PRSS23: variants seen among roughly 807,000 people sequenced by gnomAD.
PRSS23 encodes the protein protease, serine 23.
A neutral mutation model predicts 34.7 loss-of-function variants in PRSS23; 25 were observed. The observed-to-expected ratio is 0.72, with a 90% CI of 0.53 to 1.01. The LOEUF (loss-of-function observed/expected upper bound fraction) is 1.01, where lower values mean the gene tolerates loss of function less well. Ranked by LOEUF, PRSS23 falls within the 50% of genes least tolerant of loss-of-function variation. PRSS23 has a pLI of 0.00. For synonymous variants in PRSS23, 176 were observed against 186.6 expected (o/e 0.94, Z 0.46); for missense variants, 445 against 475.6 (o/e 0.94, Z 0.60).
Position 86,800,626 on chromosome 11 carries a change from C to T in PRSS23, c.-39C>T, listed in dbSNP as rs184568382. 5 of 985,008 alleles carry T rather than the reference C, an allele frequency of 5.1e-6. No individual in the cohort carries two copies. The highest frequency in any genetic ancestry group is 6.0e-6 in the Non-Finnish European group (5 of 829,852). 61.0% of individuals were successfully genotyped at this position (985,008 alleles called of 1,614,324 possible). A position where few individuals can be genotyped will look rare whatever the true frequency, so the allele number is the denominator to read the frequency against. ...CCTGTCTGAGCGGCGCAGCGAGCCG[C>T]GGCCCGGGCGGGCTGCTCGGCGCGG... On this transcript the variant is annotated 5_prime_UTR_variant, in exon 1 of 2. Coordinates refer to ENST00000280258, the MANE Select transcript of PRSS23 (RefSeq NM_007173.6).
At chr11:86,850,534 T>C (rs866787568) in intron 2 of PRSS23, among the ~76,000 whole-genome samples, 34 of 152,192 alleles carry the variant, frequency 2.2e-4, no homozygotes, top group African/African-American at 8.0e-4. Context: ...ATATTGAAGA[T>C]ATATGCTTGC....
At chr11:86,855,743 C>T (rs540025180) in intron 2 of PRSS23, among the ~76,000 whole-genome samples, 47 of 152,306 alleles carry the variant, frequency 3.1e-4, no homozygotes, top group African/African-American at 9.6e-4. Context: ...TCAAGTGATC[C>T]GTCTGATCTG....
At chr11:86,800,385 G>A, upstream of PRSS23, 1 of 934,682 alleles carries the variant, frequency 1.1e-6, no homozygotes, top group Non-Finnish European at 1.3e-6. Context: ...CCCTGCTCCG[G>A]CCGCAGGCGA....
At chr11:86,807,265 GGTTTA>G (rs1420088984) in intron 1 of PRSS23, among the ~76,000 whole-genome samples, 1 of 152,088 alleles carries the variant, frequency 6.6e-6, no homozygotes, top group Non-Finnish European at 1.5e-5. Flanking sequence ...AAGAGGAGGA[GGTTTA>G]GAATCAAGCA....
intron 1 of PRSS23, among the ~76,000 whole-genome samples, chr11:86,803,775 T>A (rs558109237): frequency 4.2e-4 from 64 of 152,232 alleles, no homozygotes; most frequent in African/African-American, 1.4e-3. Context: ...ATATATGACC[T>A]AAGGATTAGG....
At chr11:86,795,959 T>A (rs1947977923), upstream of PRSS23, among the ~76,000 whole-genome samples, 1 of 152,124 alleles carries the variant, frequency 6.6e-6, no homozygotes. Context: ...TGAGTTGAGG[T>A]TGAGTTTAGA....
chr11:86,855,358 A>C (rs1273399853), intron 2 of PRSS23, among the ~76,000 whole-genome samples: 1 of 152,144 alleles, frequency 6.6e-6, no homozygotes, highest in Non-Finnish European at 1.5e-5. Flanking sequence ...TCCCTACTGT[A>C]CTGTCAAACA....
At chr11:86,951,085 T>C (rs1949286163) in intron 2 of PRSS23, 2 of 1,581,530 alleles carry the variant, frequency 1.3e-6, no homozygotes, top group African/African-American at 2.7e-5. Context: ...TAGAATTTCC[T>C]CCAAAATGCT....
chr11:86,891,102 A>G (rs1590915836), intron 2 of PRSS23, among the ~76,000 whole-genome samples: 1 of 152,172 alleles, frequency 6.6e-6, no homozygotes, highest in African/African-American at 2.4e-5. Flanking sequence ...TTCCACCCCC[A>G]GCTCCTCAAT....
chr11:86,903,647 T>C (rs1948925131), intron 2 of PRSS23, among the ~76,000 whole-genome samples: 1 of 152,068 alleles, frequency 6.6e-6, no homozygotes, highest in South Asian at 2.1e-4. Context: ...CACTCCTGGC[T>C]AATTTTTTTG....
chr11:86,879,133 G>A (rs1254409997), intron 2 of PRSS23, among the ~76,000 whole-genome samples: 3 of 149,822 alleles, frequency 2.0e-5, no homozygotes, highest in African/African-American at 7.4e-5. Flanking sequence ...CGTCTAGGAA[G>A]TGAGGAGCGC....
chr11:86,791,532 C>T (rs975164063), intron 1 of PRSS23, among the ~76,000 whole-genome samples: 9 of 152,218 alleles, frequency 5.9e-5, no homozygotes, highest in African/African-American at 2.2e-4. Flanking sequence ...GGTGCCATTT[C>T]CAGTGATGGC....
intron 2 of PRSS23, among the ~76,000 whole-genome samples, chr11:86,838,135 C>T (rs1948420835): frequency 6.6e-6 from 1 of 151,694 alleles, no homozygotes; most frequent in Non-Finnish European, 1.5e-5. Flanking sequence ...CAGTACACTT[C>T]ATGTGTTTAC....
At chr11:86,796,533 C>A (rs12796593), upstream of PRSS23, among the ~76,000 whole-genome samples, 1 of 148,760 alleles carries the variant, frequency 6.7e-6, no homozygotes, top group South Asian at 2.2e-4. Context: ...CCCAGCTACT[C>A]GGGAGGCTGA....
chr11:86,837,179 G>C (rs1215679081), intron 2 of PRSS23: 3 of 152,142 alleles, frequency 2.0e-5, no homozygotes, highest in African/African-American at 7.2e-5. Context: ...TTAAGAAAAA[G>C]TTTATCCTAA....
chr11:86,839,562 G>T (rs1249436868), intron 2 of PRSS23, among the ~76,000 whole-genome samples: 2 of 152,112 alleles, frequency 1.3e-5, no homozygotes, highest in Non-Finnish European at 2.9e-5. Context: ...CCCTAACGTA[G>T]CAAGGCAGGC....
At chr11:86,795,371 G>C (rs2135589159) in intron 1 of PRSS23, among the ~76,000 whole-genome samples, 1 of 152,326 alleles carries the variant, frequency 6.6e-6, no homozygotes, top group South Asian at 2.1e-4. Flanking sequence ...GATGAGAAAA[G>C]TGAGGCACAG....
chr11:86,868,364 G>A (rs1319537877), intron 2 of PRSS23, among the ~76,000 whole-genome samples: 2 of 152,120 alleles, frequency 1.3e-5, no homozygotes, highest in Non-Finnish European at 2.9e-5. Context: ...AAGTATGGAT[G>A]ATGGAGGCTG....
chr11:86,825,568 T>C (rs1230798661), intron 2 of PRSS23, among the ~76,000 whole-genome samples: 1 of 150,672 alleles, frequency 6.6e-6, no homozygotes, highest in East Asian at 1.9e-4. Context: ...GCCTATGTCC[T>C]GAATGGTAAT....
Sources: gnomAD v4.1 joint callset for allele counts (sites outside exome capture counted in the v4.1 genomes callset) on GRCh38, gnomAD v4.1.1 for gene constraint, MANE v1.5 for transcripts, NCBI Gene and HGNC (gene_info 2026-07-23, HGNC 2026-07-21) for gene names.